Variants in GTF3C3 observed in about 807,000 individuals in gnomAD.
GTF3C3 encodes general transcription factor 3C polypeptide 3.
In GTF3C3, 75 loss-of-function variants were observed where a neutral mutation model predicts 105.2. The ratio of observed to expected loss-of-function variants is 0.71; its 90% confidence interval spans 0.59 to 0.86. GTF3C3 has a LOEUF of 0.86. Ranked by LOEUF, GTF3C3 falls within the 40% of genes least tolerant of loss-of-function variation. The pLI, the probability that GTF3C3 is intolerant of heterozygous loss-of-function variation, is 0.00. For missense variants in GTF3C3, 856 were observed against 1,076.5 expected (o/e 0.80, Z 2.87); for synonymous variants, 335 against 370.4 (o/e 0.90, Z 1.10).
Position 196,786,816 on chromosome 2 carries a change from T to G in GTF3C3, c.894-1228A>C, listed in dbSNP as rs925221558. On this transcript the variant is annotated intron_variant, in intron 6 of 17. Coordinates refer to ENST00000263956, the MANE Select transcript of GTF3C3 (RefSeq NM_012086.5). This position sits in a 1 kb window ranked among gnomAD's most constrained non-coding sequence, Gnocchi z 4.2. ...TCTTTTTAACCTAATCCAATCAACT[T>G]TTCCTCTCCCCATTCTGCCAATATT... 6.6e-6 allele frequency among the ~76,000 whole-genome samples: 1 copy of G among 151,988 alleles called. No individual in the cohort carries two copies. Among genetic ancestry groups the G allele is most frequent in the African/African-American group, 2.4e-5 (1 of 41,372 alleles).
intron 13 of GTF3C3, 193 bp downstream of exon 13, chr2:196,774,923 T>A (rs1699236932): frequency 5.0e-6 from 2 of 398,104 alleles, no homozygotes; most frequent in South Asian, 1.4e-4. Flanking sequence ...TAATTTTTTT[T>A]AATTTAAAGT....
chr2:196,778,339 T>C (rs1282955543), intron 10 of GTF3C3: 1 of 152,600 alleles, frequency 6.6e-6, no homozygotes, highest in East Asian at 1.9e-4. Flanking sequence ...GTTGACTCTA[T>C]AAGAAATCCT....
chr2:196,764,726 T>G (rs1267689990), intron 17 of GTF3C3, 41 bp from the exon 18 acceptor site: 2 of 1,562,942 alleles, frequency 1.3e-6, no homozygotes, highest in East Asian at 4.5e-5. Context: ...TATTTCCAAC[T>G]GTCAACCGGG....
chr2:196,766,708 A>C lies in GTF3C3; in HGVS notation c.2395T>G (p.Phe799Val). The C allele has an allele frequency of 6.2e-7, 1 of 1,611,526 alleles. No individual in the cohort carries two copies. The highest frequency in any genetic ancestry group is 8.5e-7 in the Non-Finnish European group (1 of 1,178,948). ...RHALIVQGFS[F>V]LNRYLSLRGP... Reference sequence around the variant, plus strand: ...CGTAAACTGAGGTATCGATTAAGAAAGGAAAAGCCCTAACCAAAAAGAAAA... The same window carrying C: ...CGTAAACTGAGGTATCGATTAAGAACGGAAAAGCCCTAACCAAAAAGAAAA... The change falls in exon 17 of 18, where the codon TTT becomes GTT. Residue 799 changes from phenylalanine (F) to valine (V), a missense_variant. Phe to Val is a conservative substitution (Grantham distance 50). Transcript: ENST00000263956.
rs1559299613 is a variant in GTF3C3 at position 196,776,100 on chromosome 2, T to C, written c.1605A>G (p.Leu535=). The change falls in exon 12 of 18, where the codon TTA becomes TTG. Residue 535 remains leucine, a synonymous_variant. Coordinates refer to ENST00000263956, the MANE Select transcript of GTF3C3 (RefSeq NM_012086.5). This position sits in a 1 kb window ranked among gnomAD's most constrained non-coding sequence, Gnocchi z 4.5. ...DANAAQQELK[L]LLHRSTLLFS... ...ACAACAGAGTAGAACGATGAAGCAA[T>C]AACTTCAGTTCCTAAACAAATAAGC... 1.3e-6 allele frequency: 2 copies of C among 1,558,278 alleles called. No homozygotes were observed. The highest frequency in any genetic ancestry group is 1.4e-5 in the African/African-American group (1 of 73,436).
Position 196,764,459 on chromosome 2 carries a change from G to T in GTF3C3, c.*104C>A. The T allele has an allele frequency of 9.7e-7, 1 of 1,035,998 alleles. No individual in the cohort carries two copies. Among genetic ancestry groups the T allele is most frequent in the Non-Finnish European group, 1.4e-6 (1 of 733,902 alleles). 64.2% of individuals were successfully genotyped at this position (1,035,998 alleles called of 1,614,324 possible). A position where few individuals can be genotyped will look rare whatever the true frequency, so the allele number is the denominator to read the frequency against. On this transcript the variant is annotated 3_prime_UTR_variant, in exon 18 of 18. Coordinates refer to ENST00000263956, the MANE Select transcript of GTF3C3 (RefSeq NM_012086.5). ...AATACACTGTTTGTTAGGTAATTCT[G>T]AAATTGTCATTTCTATTTTGGAGTT...
chr2:196,768,899 G>T (rs1396280638), intron 16 of GTF3C3, among the ~76,000 whole-genome samples: 1 of 152,028 alleles, frequency 6.6e-6, no homozygotes, highest in Non-Finnish European at 1.5e-5. Flanking sequence ...TTTTATGAGG[G>T]CAAGAAATTC....
chr2:196,766,009 C>CAA (rs1253646402), intron 17 of GTF3C3, among the ~76,000 whole-genome samples: 1 of 36,064 alleles, frequency 2.8e-5, no homozygotes. Context: ...GACTCTGTCT[C>CAA]CAAAAAAAAA....
intron 14 of GTF3C3, 101 bp downstream of exon 14, chr2:196,772,815 A>ATTGT: frequency 1.5e-6 from 1 of 650,458 alleles, no homozygotes; most frequent in Non-Finnish European, 2.7e-6. Flanking sequence ...TAACCAGTTT[A>ATTGT]TTGTTTAATG....
intron 4 of GTF3C3, 54 bp from the exon 5 acceptor site, chr2:196,790,124 G>C: frequency 3.5e-6 from 4 of 1,154,590 alleles, no homozygotes; most frequent in Non-Finnish European, 4.9e-6. Flanking sequence ...GGCTTGAGTT[G>C]ATGTCCATCC....
intron 10 of GTF3C3, chr2:196,777,954 T>C (rs960589448): frequency 2.0e-5 from 3 of 152,194 alleles, no homozygotes; most frequent in Non-Finnish European, 4.4e-5. Context: ...ATCTCACAAA[T>C]AATGCAGCTT....
Position 196,766,723 on chromosome 2 carries a change from CA to C in GTF3C3, c.2386-7del. The stretch of plus-strand genomic sequence containing the variant: ...CGATTAAGAAAGGAAAAGCCCTAAC[CA>C]AAAAGAAAAAGATAATTCAATATTT... On this transcript the variant is annotated splice_polypyrimidine_tract_variant and splice_region_variant and intron_variant, in intron 16 of 17. Coordinates refer to ENST00000263956, the MANE Select transcript of GTF3C3 (RefSeq NM_012086.5). 2 of 1,600,530 alleles carry C rather than the reference CA, an allele frequency of 1.2e-6. No individual in the cohort carries two copies. The highest frequency in any genetic ancestry group is 1.7e-6 in the Non-Finnish European group (2 of 1,173,876).
Position 196,764,553 on chromosome 2 carries a change from T to G in GTF3C3, c.*10A>C. On this transcript the variant is annotated 3_prime_UTR_variant, in exon 18 of 18. Coordinates refer to ENST00000263956, the MANE Select transcript of GTF3C3 (RefSeq NM_012086.5). ...GCAGCTGCCATTGCTCTGTTCTCAGTTGCGGTGCTTTATATAGAACAATAG... is the reference window on the plus strand; with the variant it reads ...GCAGCTGCCATTGCTCTGTTCTCAGGTGCGGTGCTTTATATAGAACAATAG... The G allele has an allele frequency of 6.2e-7, 1 of 1,612,412 alleles. No homozygotes were observed.
At chr2:196,778,567 AAAACTCTTC>A (rs1335278483) in intron 10 of GTF3C3, 1 of 269,840 alleles carries the variant, frequency 3.7e-6, no homozygotes, top group Non-Finnish European at 7.1e-6. Flanking sequence ...TAAATCTATA[AAAACTCTTC>A]AAAATTAGAT....
intron 8 of GTF3C3, 64 bp downstream of exon 8, chr2:196,784,793 T>C: frequency 2.7e-6 from 4 of 1,497,428 alleles, no homozygotes; most frequent in Non-Finnish European, 3.6e-6. Flanking sequence ...ATTTTCACCA[T>C]AAAACGCCAC....
At chr2:196,793,695 T>C (rs1379519524) in intron 2 of GTF3C3, among the ~76,000 whole-genome samples, 1 of 152,204 alleles carries the variant, frequency 6.6e-6, no homozygotes, top group East Asian at 1.9e-4. Flanking sequence ...TGTGTGTGTG[T>C]ATATATACAC....
intron 13 of GTF3C3, among the ~76,000 whole-genome samples, chr2:196,773,992 C>T (rs1447814497): frequency 6.6e-6 from 1 of 152,206 alleles, no homozygotes; most frequent in Admixed American, 6.5e-5. Flanking sequence ...GGATTACGTA[C>T]ATACAGGCAT....
At position 196,790,053 on chromosome 2, in the gene GTF3C3, G is replaced by C; in HGVS notation, c.553C>G (p.Pro185Ala). 1.9e-6 allele frequency: 3 copies of C among 1,606,256 alleles called. No individual in the cohort carries two copies. The change falls in exon 5 of 18, where the codon CCA (proline) becomes GCA (alanine). Residue 185 changes from proline (P) to alanine (A), a missense_variant. Pro to Ala is a conservative substitution (Grantham distance 27). Transcript: ENST00000263956. ...TATATCATGGCTAGAGTAGAGAATG[G>C]CTCATAAGCCAGAGGAGCTATAACA... ...IIRQAPLAYE[P>A]FSTLAMIYED...
intron 10 of GTF3C3, 88 bp downstream of exon 10, chr2:196,778,808 G>A (rs770291094): frequency 1.7e-6 from 2 of 1,175,564 alleles, no homozygotes; most frequent in Non-Finnish European, 2.6e-6. Context: ...AGAAACACTT[G>A]CACTATAATA....
Sources: gnomAD v4.1 joint callset for allele counts (sites outside exome capture counted in the v4.1 genomes callset) on GRCh38, gnomAD v4.1.1 for gene constraint, Gnocchi (gnomAD v3.1) non-coding constraint, MANE v1.5 for transcripts, NCBI Gene and HGNC (gene_info 2026-07-23, HGNC 2026-07-21) for gene names.